The following PPP4R3B variants were observed in gnomAD, a reference collection of about 807,000 sequenced individuals.
PPP4R3B encodes serine/threonine-protein phosphatase 4 regulatory subunit 3B.
PPP4R3B carries 52 observed loss-of-function variants against 95.4 expected under a neutral mutation model. That is an observed-to-expected ratio of 0.54 (90% CI 0.44 to 0.69). The LOEUF (loss-of-function observed/expected upper bound fraction) is 0.69, where lower values mean the gene tolerates loss of function less well. Among genes scored for constraint, PPP4R3B ranks in the 30% least tolerant of loss-of-function variants. The pLI, the probability that PPP4R3B is intolerant of heterozygous loss-of-function variation, is 0.00. For missense variants in PPP4R3B, 1,003 were observed against 1,005.9 expected (o/e 1.00, Z 0.04); for synonymous variants, 407 against 343.9 (o/e 1.18, Z -2.03).
chr2:55,615,271 T>C, intron 2 of PPP4R3B, 180 bp downstream of exon 2: 1 of 557,928 alleles, frequency 1.8e-6, no homozygotes, highest in Non-Finnish European at 3.1e-6. Context: ...AAATGATAAT[T>C]ATCACCAGTA....
In PPP4R3B at chr2:55,606,753, G is replaced by A. The variant is rs1226113192; in HGVS notation, c.199-2677C>T. ...CAGGAGAATCGCTTGAACCCGGGAG[G>A]TGGAGATTTCAGTGAGCGAGATTGC... On this transcript the variant is annotated intron_variant, in intron 2 of 16. Coordinates refer to ENST00000616407, the MANE Select transcript of PPP4R3B (RefSeq NM_001122964.3). Among the ~76,000 whole-genome samples the A allele has an allele frequency of 4.0e-5, 6 of 150,202 alleles. No homozygotes were observed. The East Asian group carries it at 7.9e-4, about 20-fold the overall frequency.
intron 2 of PPP4R3B, among the ~76,000 whole-genome samples, chr2:55,613,409 T>C (rs1475768448): frequency 6.6e-6 from 1 of 151,816 alleles, no homozygotes; most frequent in Non-Finnish European, 1.5e-5. Flanking sequence ...AAATAGTATA[T>C]TATTTAAATG....
At chr2:55,567,696 G>GT (rs1388535642) in intron 13 of PPP4R3B, among the ~76,000 whole-genome samples, 12 of 152,140 alleles carry the variant, frequency 7.9e-5, no homozygotes, top group African/African-American at 2.9e-4. Flanking sequence ...GATTACAGAC[G>GT]TAAGCCACCA....
chr2:55,564,557 T>C (rs1288303766), intron 14 of PPP4R3B, 60 bp from the exon 15 acceptor site: 16 of 1,438,232 alleles, frequency 1.1e-5, no homozygotes, highest in African/African-American at 2.9e-5. Context: ...CAGATTGAAC[T>C]GAAGGAAAAA....
rs1323473129 is a variant in PPP4R3B at position 55,547,936 on chromosome 2, G to A, written c.*1975C>T. On this transcript the variant is annotated 3_prime_UTR_variant, in exon 17 of 17. Coordinates refer to ENST00000616407, the MANE Select transcript of PPP4R3B (RefSeq NM_001122964.3). Reference sequence around the variant, plus strand: ...CAAACAAACAAACAAAAAGTAACTAGGAAAGTGTTTTACATGTGGGCTTAT... The same window carrying A: ...CAAACAAACAAACAAAAAGTAACTAAGAAAGTGTTTTACATGTGGGCTTAT... 2 of 152,056 alleles carry A rather than the reference G, an allele frequency of 1.3e-5. No homozygotes were observed. The highest frequency in any genetic ancestry group is 2.4e-5 in the African/African-American group (1 of 41,412). 9.4% of individuals were successfully genotyped at this position (152,056 alleles called of 1,614,324 possible).
At chr2:55,584,857 G>A (rs1038099881) in intron 7 of PPP4R3B, among the ~76,000 whole-genome samples, 194 bp downstream of exon 7, 2 of 152,002 alleles carry the variant, frequency 1.3e-5, no homozygotes, top group African/African-American at 4.8e-5. Context: ...TTGAATATCT[G>A]GGTTTCTTTT....
At chr2:55,593,196 G>C (rs573957417) in intron 4 of PPP4R3B, among the ~76,000 whole-genome samples, 1 of 152,122 alleles carries the variant, frequency 6.6e-6, no homozygotes, top group African/African-American at 2.4e-5. Flanking sequence ...TATTTTAAAA[G>C]AATGTTGCTC....
At chr2:55,569,616 A>T (rs13027095) in intron 12 of PPP4R3B, among the ~76,000 whole-genome samples, 33,456 of 151,962 alleles carry the variant, frequency 0.22, 3,776 homozygotes, top group East Asian at 0.3. Context: ...GGCAGGGAGG[A>T]GCCCCCTGTC....
chr2:55,596,002 T>G (rs1412233954), intron 4 of PPP4R3B, among the ~76,000 whole-genome samples: 1 of 152,186 alleles, frequency 6.6e-6, no homozygotes, highest in African/African-American at 2.4e-5. Context: ...ACTGTTAGGG[T>G]GTAAAGGATT....
At chr2:55,585,201 G>A (rs1311190322) in intron 6 of PPP4R3B, 34 bp from the exon 7 acceptor site, 1 of 1,419,076 alleles carries the variant, frequency 7.0e-7, no homozygotes, top group Non-Finnish European at 9.6e-7. Context: ...CTTAGAGACT[G>A]TTAACAAAAG....
chr2:55,581,298 G>A (rs983687350), intron 8 of PPP4R3B, among the ~76,000 whole-genome samples: 14 of 152,230 alleles, frequency 9.2e-5, no homozygotes, highest in African/African-American at 3.4e-4. Context: ...CAGTTTAGTA[G>A]TGTTAAGTAT....
intron 16 of PPP4R3B, 90 bp downstream of exon 16, chr2:55,558,685 T>A: frequency 1.1e-6 from 1 of 906,010 alleles, no homozygotes. Flanking sequence ...TCATTGAAAT[T>A]GTTTTGATTA....
chr2:55,581,727 A>G (rs1689466064), intron 7 of PPP4R3B, 29 bp from the exon 8 acceptor site: 4 of 1,604,616 alleles, frequency 2.5e-6, no homozygotes, highest in Non-Finnish European at 3.4e-6. Context: ...AAAACAAAAC[A>G]TGTTTCCATT....
chr2:55,554,435 T>C (rs893112575), intron 16 of PPP4R3B, among the ~76,000 whole-genome samples: 13 of 152,252 alleles, frequency 8.5e-5, no homozygotes, highest in Non-Finnish European at 1.5e-4. Flanking sequence ...GCATCTTTTT[T>C]ATTATAGCTA....
At position 55,549,295 on chromosome 2, in the gene PPP4R3B, T is replaced by C. The variant is rs777561115; in HGVS notation, c.*616A>G. The C allele has an allele frequency of 8.5e-5, 13 of 152,848 alleles. No individual in the cohort carries two copies. The highest frequency in any genetic ancestry group is 1.6e-4 in the Non-Finnish European group (11 of 68,188). The allele number at this position is 152,848 out of a possible 1,614,324, so 9.5% of individuals were successfully genotyped here. ...TTGAGCTTGTTTTCATCAATATACA[T>C]ATTGAAAATTCCTGGTGTAGAAAAC... On this transcript the variant is annotated 3_prime_UTR_variant, in exon 17 of 17. Coordinates refer to ENST00000616407, the MANE Select transcript of PPP4R3B (RefSeq NM_001122964.3).
chr2:55,609,988 CTA>C (rs910836636), intron 2 of PPP4R3B, among the ~76,000 whole-genome samples: 1 of 152,080 alleles, frequency 6.6e-6, no homozygotes, highest in Non-Finnish European at 1.5e-5. Context: ...ATATTACACA[CTA>C]AAAAAAATTT....
intron 9 of PPP4R3B, among the ~76,000 whole-genome samples, chr2:55,579,273 G>A (rs923364691): frequency 2.0e-5 from 3 of 152,038 alleles, no homozygotes; most frequent in Non-Finnish European, 2.9e-5. Flanking sequence ...ATGTGCATTT[G>A]GAGGCTAAGT....
At chr2:55,550,054 A>G (rs929293316) in intron 16 of PPP4R3B, 48 bp from the exon 17 acceptor site, 2 of 1,216,030 alleles carry the variant, frequency 1.6e-6, no homozygotes, top group Non-Finnish European at 2.4e-6. Context: ...ATAACAAAAA[A>G]GAGCTTTTAG....
intron 2 of PPP4R3B, among the ~76,000 whole-genome samples, chr2:55,612,371 A>G (rs1694283886): frequency 6.6e-6 from 1 of 152,224 alleles, no homozygotes; most frequent in South Asian, 2.1e-4. Flanking sequence ...TCTAACAAAC[A>G]TAGAAAAATG....
Sources: gnomAD v4.1 joint callset for allele counts (sites outside exome capture counted in the v4.1 genomes callset) on GRCh38, gnomAD v4.1.1 for gene constraint, MANE v1.5 for transcripts, NCBI Gene and HGNC (gene_info 2026-07-23, HGNC 2026-07-21) for gene names.